The following EIF3A variants were observed in gnomAD, a reference collection of about 807,000 sequenced individuals.
The protein encoded by EIF3A is EIF3, p180 subunit.
A neutral mutation model predicts 186.6 loss-of-function variants in EIF3A; 21 were observed. The observed-to-expected ratio is 0.11, with a 90% CI of 0.08 to 0.16. The LOEUF (loss-of-function observed/expected upper bound fraction) is 0.16. EIF3A is among the 10% of genes least tolerant of loss of function. EIF3A has a pLI of 1.00. For synonymous variants in EIF3A, 563 were observed against 584.3 expected, an observed-to-expected ratio of 0.96 and a Z score of 0.52; for missense variants, 1,306 against 1,796.3, an observed-to-expected ratio of 0.73 and a Z score of 4.93.
At chr10:119,062,873 G>A (rs549894858) in intron 7 of EIF3A, among the ~76,000 whole-genome samples, 38 of 145,060 alleles carry the variant, frequency 2.6e-4, no homozygotes, top group African/African-American at 9.1e-4. Context: ...TCAGCCTCCC[G>A]ATTAGCTGGG....
At chr10:119,047,639 C>G (rs1848297731) in intron 17 of EIF3A, among the ~76,000 whole-genome samples, 1 of 152,092 alleles carries the variant, frequency 6.6e-6, no homozygotes, top group African/African-American at 2.4e-5. Context: ...TTAAACAAAA[C>G]AGCGCTGATT....
intron 7 of EIF3A, among the ~76,000 whole-genome samples, chr10:119,064,130 A>G (rs1486470696): frequency 1.3e-5 from 2 of 152,236 alleles, no homozygotes; most frequent in African/African-American, 4.8e-5. Context: ...CTTTTGTATT[A>G]TATCTGCTGG....
intron 1 of EIF3A, among the ~76,000 whole-genome samples, chr10:119,077,026 G>C (rs1357836397): frequency 6.6e-6 from 1 of 151,976 alleles, no homozygotes; most frequent in South Asian, 2.1e-4. Flanking sequence ...AAACTTGGGA[G>C]TAAATGCGTT....
Position 119,059,278 on chromosome 10 carries a change from G to A in EIF3A, c.1563C>T (p.Asn521=), listed in dbSNP as rs958630035. The A allele has an allele frequency of 1.9e-6, 3 of 1,614,010 alleles. No individual in the cohort carries two copies. Among genetic ancestry groups the A allele is most frequent in the Non-Finnish European group, 2.5e-6 (3 of 1,180,012 alleles). ...LQSMPSEQIR[N]QLTAMSSVLA... ...GTACTGAGGACATGGCTGTCAGCTG[G>A]TTTCTTATCTGCTCTGAAGGCATGC... Residue 521 remains asparagine, a synonymous_variant, in exon 11 of 22, where the codon AAC becomes AAT. Coordinates refer to ENST00000369144, the MANE Select transcript of EIF3A (RefSeq NM_003750.4).
At chr10:119,056,484 C>T (rs749845113) in intron 14 of EIF3A, among the ~76,000 whole-genome samples, 1 of 152,116 alleles carries the variant, frequency 6.6e-6, no homozygotes, top group Non-Finnish European at 1.5e-5. Flanking sequence ...ACATGCCATA[C>T]AATTTACCCA....
At position 119,080,777 on chromosome 10, in the gene EIF3A, G is replaced by A. The variant is rs572932425; in HGVS notation, c.-101C>T. 6 of 1,457,812 alleles carry A rather than the reference G, an allele frequency of 4.1e-6. No homozygotes were observed. Among genetic ancestry groups the A allele is most frequent in the Non-Finnish European group, 4.5e-6 (5 of 1,101,234 alleles). The allele number at this position is 1,457,812 out of a possible 1,614,324, so 90.3% of individuals were successfully genotyped here. Reference sequence around the variant, plus strand: ...ACCAGCGTAAGGTCCCACGCGCCTCGCCAGCAGTCGCCCGCGCCCAGCCGG... The same window carrying A: ...ACCAGCGTAAGGTCCCACGCGCCTCACCAGCAGTCGCCCGCGCCCAGCCGG... On this transcript the variant is annotated 5_prime_UTR_variant, in exon 1 of 22. Transcript: ENST00000369144.
At chr10:119,062,960 T>C (rs1277139246) in intron 7 of EIF3A, among the ~76,000 whole-genome samples, 1 of 151,658 alleles carries the variant, frequency 6.6e-6, no homozygotes, top group Non-Finnish European at 1.5e-5. Context: ...TTCACCACGA[T>C]GGCCAAGCTC....
Position 119,073,373 on chromosome 10 carries a change from G to T in EIF3A, c.377+68C>A. 3.4e-6 allele frequency: 4 copies of T among 1,175,788 alleles called. No homozygotes were observed. In the South Asian group the frequency reaches 6.0e-5, roughly 18 times the overall value. 72.8% of individuals were successfully genotyped at this position (1,175,788 alleles called of 1,614,324 possible). A position where few individuals can be genotyped will look rare whatever the true frequency, so the allele number is the denominator to read the frequency against. ...ATAAACATCTACTTCAAAAGGAAAT[G>T]AAGACCCATGTAAAAGAAAACACCA... On this transcript the variant is annotated intron_variant, in intron 3 of 21. Coordinates refer to ENST00000369144, the MANE Select transcript of EIF3A (RefSeq NM_003750.4).
Position 119,059,356 on chromosome 10 carries a change from A to G in EIF3A, c.1485T>C (p.Ser495=), listed in dbSNP as rs374390358. 2.3e-5 allele frequency: 37 copies of G among 1,607,454 alleles called. No homozygotes were observed. The highest frequency in any genetic ancestry group is 3.0e-5 in the Non-Finnish European group (35 of 1,177,564). The change falls in exon 11 of 22, where the codon TCT becomes TCC. Residue 495 remains serine (S), a synonymous_variant. Transcript: ENST00000369144. ...DHTSRTLSFG[S]DLNYATREDA... ...CTTCTCGAGTAGCATAATTCAAATC[A>G]GATCCAAAACTCAGGGTCCGAGAAG...
chr10:119,038,498 G>A (rs1848166326), intron 19 of EIF3A, 59 bp from the exon 20 acceptor site: 1 of 1,408,748 alleles, frequency 7.1e-7, no homozygotes, highest in Admixed American at 2.0e-5. Context: ...AAACAGATTG[G>A]CAATCATGAA....
At position 119,058,103 on chromosome 10, in the gene EIF3A, C is replaced by T; in HGVS notation, c.1830G>A (p.Glu610=). ...ELQKVRKAEE[E]RLRQEAKERE... ...TCTCCTTTGCTTCCTGGCGCAGCCT[C>T]TCTTCCTCAGCCTTCCGCACTTTCT... The change falls in exon 12 of 22, where the codon GAG becomes GAA. Residue 610 remains glutamate (E), a synonymous_variant. Transcript: ENST00000369144. 1 of 1,614,224 alleles carries T rather than the reference C, an allele frequency of 6.2e-7. No individual in the cohort carries two copies. Among genetic ancestry groups the T allele is most frequent in the Non-Finnish European group, 8.5e-7 (1 of 1,180,042 alleles).
chr10:119,049,528 T>C (rs567171918), intron 17 of EIF3A, among the ~76,000 whole-genome samples: 5 of 120,960 alleles, frequency 4.1e-5, no homozygotes, highest in African/African-American at 1.6e-4. Flanking sequence ...GATGTGAAAA[T>C]AACTGATTTA....
In EIF3A at chr10:119,050,683, G is replaced by A. The variant is rs369276493; in HGVS notation, c.2320-9C>T. The A allele has an allele frequency of 5.0e-6, 8 of 1,613,260 alleles. No individual in the cohort carries two copies. The highest frequency in any genetic ancestry group is 1.7e-5 in the Admixed American group (1 of 59,962). ...AACTGTTTAAGTTTTTCCTGCAATC[G>A]AAGTAACCCCCAACCCAAAAAGGGC... is the stretch of plus-strand genomic sequence containing the variant. On this transcript the variant is annotated splice_polypyrimidine_tract_variant and intron_variant, in intron 15 of 21. Transcript: ENST00000369144.
chr10:119,070,216 G>A (rs1844049918), intron 5 of EIF3A, among the ~76,000 whole-genome samples: 1 of 152,074 alleles, frequency 6.6e-6, no homozygotes, highest in African/African-American at 2.4e-5. Context: ...AGACTTCAAG[G>A]TCACATGACT....
chr10:119,034,927 T>C lies in EIF3A; in HGVS notation c.*1112A>G, dbSNP rs1848107799. ...TTATATTTAGGTTCATTTTCATTGA[T>C]ACTAAACACAGACATTTAATGGCAC... On this transcript the variant is annotated 3_prime_UTR_variant, in exon 22 of 22. Transcript: ENST00000369144. The C allele has an allele frequency of 6.6e-6, 1 of 152,540 alleles. No homozygotes were observed. The highest frequency in any genetic ancestry group is 2.4e-5 in the African/African-American group (1 of 41,462). The allele number at this position is 152,540 out of a possible 1,614,324, so 9.4% of individuals were successfully genotyped here.
At chr10:119,050,826 C>T in intron 15 of EIF3A, 152 bp from the exon 16 acceptor site, 1 of 839,016 alleles carries the variant, frequency 1.2e-6, no homozygotes, top group East Asian at 2.6e-5. Context: ...TCCAAATGAC[C>T]ATTAACTTGT....
At position 119,042,834 on chromosome 10, in the gene EIF3A, A is replaced by G. The variant is rs1042343821; in HGVS notation, c.2748-62T>C. Reference sequence around the variant, plus strand: ...TAAAAAAGCATATGATCCTTTGGGGATTTTTTTTTTCACATGCTTTTTAAA... The same window carrying G: ...TAAAAAAGCATATGATCCTTTGGGGGTTTTTTTTTTCACATGCTTTTTAAA... On this transcript the variant is annotated intron_variant, in intron 18 of 21. Transcript: ENST00000369144. The surrounding 1 kb of genome is among the most constrained non-coding windows in gnomAD (Gnocchi z 7.8). 1 of 1,417,968 alleles carries G rather than the reference A, an allele frequency of 7.1e-7. No individual in the cohort carries two copies. The highest frequency in any genetic ancestry group is 9.3e-7 in the Non-Finnish European group (1 of 1,072,116). The allele number at this position is 1,417,968 out of a possible 1,614,324, so 87.8% of individuals were successfully genotyped here.
chr10:119,050,754 C>A, intron 15 of EIF3A, 80 bp from the exon 16 acceptor site: 1 of 1,472,020 alleles, frequency 6.8e-7, no homozygotes, highest in Non-Finnish European at 9.4e-7. Context: ...ATTAGGTTTA[C>A]AAAAGACTCT....
Position 119,058,119 on chromosome 10 carries a change from C to T in EIF3A, c.1814G>A (p.Arg605Gln), listed in dbSNP as rs770042179. The change falls in exon 12 of 22, where the codon CGG (arginine) becomes CAG (glutamine). Residue 605 changes from arginine (R) to glutamine (Q), a missense_variant. By Grantham distance (43) the Arg-to-Gln change is conservative (BLOSUM62 1). Coordinates refer to ENST00000369144, the MANE Select transcript of EIF3A (RefSeq NM_003750.4). ...EQREAELQKVRKAEEERLRQE... is the reference protein window; with the variant it reads ...EQREAELQKVQKAEEERLRQE... ...GCGCAGCCTCTCTTCCTCAGCCTTC[C>T]GCACTTTCTGGAGTTCAGCTTCCCT... is the stretch of plus-strand genomic sequence containing the variant. The T allele has an allele frequency of 1.2e-6, 2 of 1,614,152 alleles. No individual in the cohort carries two copies. The highest frequency in any genetic ancestry group is 8.5e-7 in the Non-Finnish European group (1 of 1,180,026).
Sources: allele counts gnomAD v4.1 joint callset (sites outside exome capture counted in the v4.1 genomes callset), GRCh38; gene constraint gnomAD v4.1.1; non-coding constraint Gnocchi (gnomAD v3.1); transcripts MANE v1.5; gene names NCBI Gene and HGNC (gene_info 2026-07-23, HGNC 2026-07-21).